Variants in GET1 observed in about 807,000 individuals in gnomAD.
GET1 encodes the protein congenital heart disease 5 protein.
GET1 carries 20 observed loss-of-function variants against 22.6 expected under a neutral mutation model. That is an observed-to-expected ratio of 0.89 (90% CI 0.62 to 1.29). GET1 has a LOEUF of 1.29. Among genes scored for constraint, GET1 ranks in the 50% most tolerant of loss-of-function variants. The probability of loss-of-function intolerance (pLI) is 0.00; values close to 1 mark genes in which losing one functional copy is unlikely to be tolerated. For synonymous variants in GET1, 92 were observed against 83.8 expected, an observed-to-expected ratio of 1.10 and a Z score of -0.53; for missense variants, 209 against 219.9, an observed-to-expected ratio of 0.95 and a Z score of 0.31.
chr21:39,387,689 A>ACCC (rs2038000243), intron 1 of GET1: 2 of 165,562 alleles, frequency 1.2e-5, no homozygotes, highest in African/African-American at 9.2e-5. Flanking sequence ...TACTCCCCAC[A>ACCC]CTCCCCCCCC....
chr21:39,388,038 T>G (rs926799329), intron 1 of GET1, among the ~76,000 whole-genome samples: 1 of 152,214 alleles, frequency 6.6e-6, no homozygotes, highest in Non-Finnish European at 1.5e-5. Flanking sequence ...ATTTGGAAGT[T>G]GTCAACCCAA....
chr21:39,384,852 A>T (rs1036256949), intron 1 of GET1, among the ~76,000 whole-genome samples: 3 of 152,014 alleles, frequency 2.0e-5, no homozygotes, highest in Non-Finnish European at 2.9e-5. Flanking sequence ...ACCTCAACCC[A>T]GTTAGCTTTC....
At chr21:39,393,110 G>C in intron 3 of GET1, 56 bp from the exon 4 acceptor site, 1 of 1,442,946 alleles carries the variant, frequency 6.9e-7, no homozygotes. Context: ...CCTCCCTTCT[G>C]TGTGGTCGGT....
intron 4 of GET1, 35 bp from the exon 5 acceptor site, chr21:39,396,831 G>A: frequency 2.5e-6 from 4 of 1,599,120 alleles, no homozygotes; most frequent in Non-Finnish European, 3.4e-6. Flanking sequence ...AGCACTGCTG[G>A]TATGCGCTCT....
chr21:39,397,704 C>T lies in GET1; in HGVS notation c.*765C>T, dbSNP rs1383513494. The T allele has an allele frequency of 6.6e-6, 1 of 151,946 alleles. No homozygotes were observed. Among genetic ancestry groups the T allele is most frequent in the Non-Finnish European group, 1.5e-5 (1 of 68,002 alleles). 9.4% of individuals were successfully genotyped at this position (151,946 alleles called of 1,614,324 possible). On this transcript the variant is annotated 3_prime_UTR_variant, in exon 5 of 5. Transcript: ENST00000649170. ...AGTCCTGATTAATCTGAACCAATAA[C>T]CTGTGTGGCCTACAAAGTATAATTC...
intron 1 of GET1, among the ~76,000 whole-genome samples, chr21:39,381,826 C>T (rs1318559786): frequency 2.0e-5 from 3 of 152,136 alleles, no homozygotes; most frequent in African/African-American, 7.2e-5. Flanking sequence ...CAACCTCTGC[C>T]TCCCAGGTTC....
At chr21:39,403,117 G>C (rs1234460873) in intron 4 of GET1, among the ~76,000 whole-genome samples, 1 of 152,046 alleles carries the variant, frequency 6.6e-6, no homozygotes, top group Admixed American at 6.6e-5. Context: ...CCATTTCCAG[G>C]AGTCCTTTTA....
At chr21:39,389,321 G>A (rs1248317935) in intron 1 of GET1, among the ~76,000 whole-genome samples, 3 of 151,168 alleles carry the variant, frequency 2.0e-5, no homozygotes, top group Admixed American at 6.6e-5. Flanking sequence ...TCACCCTGTC[G>A]CCCAGGCTGG....
chr21:39,396,780 C>G (rs1035924841), intron 4 of GET1, 86 bp from the exon 5 acceptor site: 5 of 1,205,996 alleles, frequency 4.1e-6, no homozygotes, highest in Admixed American at 3.4e-5. Context: ...TGGAAATACT[C>G]TCTTTGCTGT....
At chr21:39,418,381 TTTAA>T (rs2041679308) in intron 1 of GET1, among the ~76,000 whole-genome samples, 1 of 152,252 alleles carries the variant, frequency 6.6e-6, no homozygotes, top group South Asian at 2.1e-4. Context: ...TGGAGGTACA[TTTAA>T]TTTTCTTTTT....
At chr21:39,415,712 A>G (rs2041012292) in intron 1 of GET1, among the ~76,000 whole-genome samples, 1 of 152,226 alleles carries the variant, frequency 6.6e-6, no homozygotes, top group South Asian at 2.1e-4. Flanking sequence ...AAACACTGCG[A>G]CTGATTAATA....
intron 2 of GET1, 162 bp downstream of exon 2, chr21:39,391,025 C>T: frequency 7.1e-6 from 5 of 702,562 alleles, no homozygotes; most frequent in Non-Finnish European, 1.1e-5. Flanking sequence ...TTACTTTCCT[C>T]TTATTTGCTG....
At chr21:39,381,059 G>A (rs2037525175) in intron 1 of GET1, 2 of 653,496 alleles carry the variant, frequency 3.1e-6, no homozygotes, top group South Asian at 6.8e-5. Context: ...ACGGCTGCTG[G>A]GAGAGGCGAG....
intron 1 of GET1, among the ~76,000 whole-genome samples, chr21:39,415,660 T>C (rs896461760): frequency 1.3e-5 from 2 of 152,238 alleles, no homozygotes; most frequent in African/African-American, 4.8e-5. Context: ...TTTTCTATAG[T>C]TTTTAAAAGG....
downstream of GET1, among the ~76,000 whole-genome samples, chr21:39,408,441 T>C (rs1206666249): frequency 6.6e-6 from 1 of 151,992 alleles, no homozygotes; most frequent in East Asian, 1.9e-4. Context: ...CTGCAGGAAA[T>C]GATGAAGGGC....
At chr21:39,402,181 G>A (rs1364240513), downstream of GET1, among the ~76,000 whole-genome samples, 2 of 152,102 alleles carry the variant, frequency 1.3e-5, no homozygotes, top group Non-Finnish European at 2.9e-5. Flanking sequence ...TCGGCTCACA[G>A]CAACCCCTGC....
intron 1 of GET1, among the ~76,000 whole-genome samples, chr21:39,386,796 T>A (rs955752705): frequency 2.6e-5 from 4 of 152,224 alleles, no homozygotes; most frequent in African/African-American, 9.6e-5. Context: ...TTAACACTTA[T>A]ACGTGGGTCT....
downstream of GET1, chr21:39,406,639 T>C (rs747577926): frequency 2.5e-5 from 38 of 1,519,266 alleles, no homozygotes; most frequent in Non-Finnish European, 3.4e-5. Flanking sequence ...GGCAATTTAG[T>C]GCTGTTTAAA....
At chr21:39,384,564 ATT>A (rs35895251) in intron 1 of GET1, among the ~76,000 whole-genome samples, 290 of 144,440 alleles carry the variant, frequency 2.0e-3, no homozygotes, top group East Asian at 4.7e-3. Flanking sequence ...CTGGCCGACA[ATT>A]TTTTTTTTTT....
Sources: gnomAD v4.1 joint callset for allele counts (sites outside exome capture counted in the v4.1 genomes callset) on GRCh38, gnomAD v4.1.1 for gene constraint, MANE v1.5 for transcripts, NCBI Gene and HGNC (gene_info 2026-07-23, HGNC 2026-07-21) for gene names.